Variants in FAM210A observed in about 807,000 individuals in gnomAD.
FAM210A encodes the protein mitochondrial inner membrane scaffold 1.
A neutral mutation model predicts 25.3 loss-of-function variants in FAM210A; 13 were observed. That is an observed-to-expected ratio of 0.51 (90% CI 0.33 to 0.82). The LOEUF is 0.82. FAM210A is among the 40% of genes least tolerant of loss of function. FAM210A has a pLI of 0.02. For missense variants in FAM210A, 319 were observed against 323.2 expected (o/e 0.99, Z 0.10); for synonymous variants, 125 against 118.7 (o/e 1.05, Z -0.35).
chr18:13,705,365 C>A (rs750754608), intron 1 of FAM210A, among the ~76,000 whole-genome samples: 1 of 152,176 alleles, frequency 6.6e-6, no homozygotes, highest in African/African-American at 2.4e-5. Context: ...CTTCCTGAGT[C>A]CTTACAGCTT....
At chr18:13,708,217 AT>A (rs902926249) in intron 1 of FAM210A, among the ~76,000 whole-genome samples, 2 of 152,232 alleles carry the variant, frequency 1.3e-5, no homozygotes, top group Admixed American at 1.3e-4. Flanking sequence ...CTGGATTATT[AT>A]AAAAAATATT....
At chr18:13,691,037 T>C (rs1341439099) in intron 1 of FAM210A, among the ~76,000 whole-genome samples, 1 of 152,086 alleles carries the variant, frequency 6.6e-6, no homozygotes, top group Non-Finnish European at 1.5e-5. Context: ...CTAACTAGAA[T>C]AAACAGTGAA....
chr18:13,671,977 C>T lies in FAM210A; in HGVS notation c.474-4G>A. Reference sequence around the variant, plus strand: ...AAAAGGAACGACATTCACTCCTCTACAAAAAAAAAAAAGTAATTTTCATAT... The same window carrying T: ...AAAAGGAACGACATTCACTCCTCTATAAAAAAAAAAAAGTAATTTTCATAT... On this transcript the variant is annotated splice_region_variant and splice_polypyrimidine_tract_variant and intron_variant, in intron 2 of 3. Coordinates refer to ENST00000651643, the MANE Select transcript of FAM210A (RefSeq NM_152352.4). The T allele has an allele frequency of 8.0e-7, 1 of 1,251,666 alleles. No homozygotes were observed. Among genetic ancestry groups the T allele is most frequent in the Non-Finnish European group, 1.1e-6 (1 of 920,546 alleles). The allele number at this position is 1,251,666 out of a possible 1,614,324, so 77.5% of individuals were successfully genotyped here. A position where few individuals can be genotyped will look rare whatever the true frequency, so the allele number is the denominator to read the frequency against.
At chr18:13,690,065 G>A (rs575742079) in intron 1 of FAM210A, among the ~76,000 whole-genome samples, 1 of 152,302 alleles carries the variant, frequency 6.6e-6, no homozygotes, top group South Asian at 2.1e-4. Context: ...CCCTAATACT[G>A]CGCTTTTCCA....
rs1457926749 is a variant in FAM210A at position 13,722,714 on chromosome 18, T to C, written c.-29+3615A>G. On this transcript the variant is annotated intron_variant, in intron 1 of 3. Transcript: ENST00000651643. ...CACCTACAGGATAAGACTCTGGATTTGGTTTTCACCAACCTCAGCTCTGTA... is the reference window on the plus strand; with the variant it reads ...CACCTACAGGATAAGACTCTGGATTCGGTTTTCACCAACCTCAGCTCTGTA... Among the ~76,000 whole-genome samples, 3 of 152,222 alleles carry C rather than the reference T, an allele frequency of 2.0e-5. No individual in the cohort carries two copies. In the East Asian group the frequency reaches 5.8e-4, roughly 29 times the overall value.
intron 1 of FAM210A, among the ~76,000 whole-genome samples, chr18:13,710,692 C>T (rs564536431): frequency 5.9e-5 from 9 of 152,172 alleles, no homozygotes; most frequent in Non-Finnish European, 1.2e-4. Context: ...CCTACTGCCC[C>T]CATCCAGAGA....
At chr18:13,688,753 A>G (rs1227288163) in intron 1 of FAM210A, among the ~76,000 whole-genome samples, 3 of 152,350 alleles carry the variant, frequency 2.0e-5, no homozygotes, top group East Asian at 3.9e-4. Context: ...CTAAGGCAGC[A>G]CTGTATCATG....
At chr18:13,724,918 C>A (rs1162198033) in intron 1 of FAM210A, among the ~76,000 whole-genome samples, 1 of 152,084 alleles carries the variant, frequency 6.6e-6, no homozygotes, top group East Asian at 1.9e-4. Context: ...GGATTACAGG[C>A]ACGCGCCACC....
intron 1 of FAM210A, chr18:13,715,350 CACTAGCTGAG>C (rs1217012474): frequency 6.6e-6 from 1 of 152,256 alleles, no homozygotes; most frequent in African/African-American, 2.4e-5. Flanking sequence ...CCCACCTTCC[CACTAGCTGAG>C]ACTACAGGGG....
chr18:13,667,373 G>GGAT (rs1298904336), intron 3 of FAM210A, among the ~76,000 whole-genome samples: 1 of 152,180 alleles, frequency 6.6e-6, no homozygotes, highest in South Asian at 2.1e-4. Flanking sequence ...AATAGCAGAT[G>GGAT]GATGACTGGT....
intron 1 of FAM210A, among the ~76,000 whole-genome samples, chr18:13,695,667 G>C (rs1285766360): frequency 6.6e-6 from 1 of 150,388 alleles, no homozygotes. Context: ...TGAACAATGA[G>C]AACACTTGGA....
intron 1 of FAM210A, among the ~76,000 whole-genome samples, chr18:13,708,114 T>C (rs560546789): frequency 6.4e-4 from 97 of 152,378 alleles, no homozygotes; most frequent in Non-Finnish European, 8.1e-4. Context: ...GCGGTTCCCA[T>C]TGTTTCTGCA....
intron 1 of FAM210A, among the ~76,000 whole-genome samples, chr18:13,706,287 C>T (rs1010237391): frequency 6.6e-6 from 1 of 150,872 alleles, no homozygotes; most frequent in African/African-American, 2.5e-5. Flanking sequence ...GTTCTACTAC[C>T]ATGAGACTCT....
chr18:13,703,315 T>C (rs537502799), intron 1 of FAM210A, among the ~76,000 whole-genome samples: 1 of 152,256 alleles, frequency 6.6e-6, no homozygotes, highest in Non-Finnish European at 1.5e-5. Flanking sequence ...AAGCATGCTT[T>C]GGGAAACCTA....
At position 13,721,074 on chromosome 18, in the gene FAM210A, T is replaced by C. The variant is rs574423252; in HGVS notation, c.-29+5255A>G. On this transcript the variant is annotated intron_variant, in intron 1 of 3. Transcript: ENST00000651643. Reference sequence around the variant, plus strand: ...ACTACCCTATTCCCAAATAAGGTCATACCCTGAGGTACTAAGGGCTAGGAA... The same window carrying C: ...ACTACCCTATTCCCAAATAAGGTCACACCCTGAGGTACTAAGGGCTAGGAA... 9.2e-5 allele frequency among the ~76,000 whole-genome samples: 14 copies of C among 152,298 alleles called. No homozygotes were observed. In the South Asian group the frequency reaches 2.9e-3, roughly 32 times the overall value.
chr18:13,693,907 A>C (rs1243933772), intron 1 of FAM210A, among the ~76,000 whole-genome samples: 4 of 152,214 alleles, frequency 2.6e-5, no homozygotes, highest in African/African-American at 9.7e-5. Flanking sequence ...GAAATAAATA[A>C]AGGGTATTCA....
intron 2 of FAM210A, among the ~76,000 whole-genome samples, chr18:13,673,021 GATT>G (rs1314651933): frequency 6.6e-6 from 1 of 151,892 alleles, no homozygotes; most frequent in Non-Finnish European, 1.5e-5. Flanking sequence ...CCAGTTTCCT[GATT>G]ATTAACATTC....
At chr18:13,668,357 C>T (rs2043417153) in intron 3 of FAM210A, among the ~76,000 whole-genome samples, 1 of 152,184 alleles carries the variant, frequency 6.6e-6, no homozygotes. Flanking sequence ...CTCATTTTTG[C>T]CAATTCCTCC....
intron 1 of FAM210A, among the ~76,000 whole-genome samples, chr18:13,703,902 G>C (rs1486838688): frequency 6.6e-6 from 1 of 152,140 alleles, no homozygotes; most frequent in Non-Finnish European, 1.5e-5. Flanking sequence ...CAGATATTAG[G>C]TTTCCTAAAT....
Sources: allele counts gnomAD v4.1 joint callset (sites outside exome capture counted in the v4.1 genomes callset), GRCh38; gene constraint gnomAD v4.1.1; transcripts MANE v1.5; gene names NCBI Gene and HGNC (gene_info 2026-07-23, HGNC 2026-07-21).